The following GALR2 variants were observed in gnomAD, a reference collection of about 807,000 sequenced individuals.
GALR2 encodes galanin receptor type 2.
Under a neutral mutation model 7.2 loss-of-function variants are expected in GALR2, and 5 were observed. The ratio of observed to expected loss-of-function variants is 0.69; its 90% CI spans 0.36 to 1.45. The LOEUF is 1.45. Among genes scored for constraint, GALR2 ranks in the 40% most tolerant of loss-of-function variants. The probability of loss-of-function intolerance (pLI) is 0.03; values close to 1 mark genes in which losing one functional copy is unlikely to be tolerated. For synonymous variants in GALR2, 300 were observed against 263.9 expected, an observed-to-expected ratio of 1.14 and a Z score of -1.32; for missense variants, 561 against 555.7, an observed-to-expected ratio of 1.01 and a Z score of -0.10.
Position 76,075,038 on chromosome 17 carries a change from G to T in GALR2, c.155G>T (p.Arg52Leu). The T allele has an allele frequency of 6.2e-7, 1 of 1,610,742 alleles. No homozygotes were observed. Among genetic ancestry groups the T allele is most frequent in the South Asian group, 1.1e-5 (1 of 90,996 alleles). ...GNTLVLAVLL[R>L]GGQAVSTTNL... is the part of the protein sequence containing the mutation. ...ACGCTGGTGCTGGCGGTGCTGCTGC[G>T]CGGCGGCCAGGCGGTCAGCACTACC... Residue 52 changes from arginine (R) to leucine (L), a missense_variant, in exon 1 of 2, where the codon CGC (arginine) becomes CTC (leucine). Physicochemically the swap from Arg to Leu is moderately radical, Grantham distance 102. Coordinates refer to ENST00000329003, the MANE Select transcript of GALR2 (RefSeq NM_003857.4). This position sits in a 1 kb window ranked among gnomAD's most constrained non-coding sequence, Gnocchi z 5.9.
rs769344371 is a variant in GALR2, at chr17:76,077,446, C to T, written c.*15C>T. 3 of 1,441,428 alleles carry T rather than the reference C, an allele frequency of 2.1e-6. No individual in the cohort carries two copies. Among genetic ancestry groups the T allele is most frequent in the South Asian group, 1.5e-5 (1 of 68,234 alleles). 89.3% of individuals were successfully genotyped at this position (1,441,428 alleles called of 1,614,324 possible). Reference sequence around the variant, plus strand: ...ATGTGGCCTGAAAGCACTTAGCGGGCGCGCTGGGATGTCACAGAGTTGGAG... The same window carrying T: ...ATGTGGCCTGAAAGCACTTAGCGGGTGCGCTGGGATGTCACAGAGTTGGAG... On this transcript the variant is annotated 3_prime_UTR_variant, in exon 2 of 2. Coordinates refer to ENST00000329003, the MANE Select transcript of GALR2 (RefSeq NM_003857.4).
chr17:76,074,482 G>A (rs540867161), upstream of GALR2, among the ~76,000 whole-genome samples: 1 of 152,342 alleles, frequency 6.6e-6, no homozygotes, highest in East Asian at 1.9e-4. The surrounding 1 kb of genome is among the most constrained non-coding windows in gnomAD (Gnocchi z 6.7). Context: ...GCGGCGCGGC[G>A]CACACGCAGG....
chr17:76,072,478 T>C, upstream of GALR2: 12 of 1,582,336 alleles, frequency 7.6e-6, no homozygotes, highest in Non-Finnish European at 1.0e-5. This position sits in a 1 kb window ranked among gnomAD's most constrained non-coding sequence, Gnocchi z 4.5. Context: ...TGGGACCTGC[T>C]TCTCAGCAGC....
At chr17:76,073,453 G>A (rs1183644758), upstream of GALR2, among the ~76,000 whole-genome samples, 2 of 121,208 alleles carry the variant, frequency 1.7e-5, no homozygotes, top group Non-Finnish European at 3.5e-5. Context: ...CTGCCACCAC[G>A]TCCCGCTAAT....
At position 76,076,917 on chromosome 17, in the gene GALR2, C is replaced by T; in HGVS notation, c.650C>T (p.Ala217Val). 6.2e-7 allele frequency: 1 copy of T among 1,601,914 alleles called. No individual in the cohort carries two copies. The highest frequency in any genetic ancestry group is 8.5e-7 in the Non-Finnish European group (1 of 1,178,454). ...YARTLRYLWRAVDPVAAGSGA... is the reference protein window; with the variant it reads ...YARTLRYLWRVVDPVAAGSGA... The stretch of plus-strand genomic sequence containing the variant: ...CGCACCTTGCGCTACCTCTGGCGCG[C>T]CGTCGACCCGGTGGCCGCGGGCTCG... The change falls in exon 2 of 2, where the codon GCC becomes GTC. Residue 217 changes from alanine to valine, a missense_variant. Transcript: ENST00000329003. The surrounding 1 kb of genome is among the most constrained non-coding windows in gnomAD (Gnocchi z 6.5).
Position 76,074,907 on chromosome 17 carries a change from G to C in GALR2, c.24G>C (p.Gly8=). 1 of 1,538,128 alleles carries C rather than the reference G, an allele frequency of 6.5e-7. No individual in the cohort carries two copies. The highest frequency in any genetic ancestry group is 8.7e-7 in the Non-Finnish European group (1 of 1,148,814). ...CCATGAACGTCTCGGGCTGCCCAGG[G>C]GCCGGGAACGCGAGCCAGGCGGGCG... is the stretch of plus-strand genomic sequence containing the variant. MNVSGCP[G]AGNASQAGGG... The change falls in exon 1 of 2, where the codon GGG becomes GGC. Residue 8 remains glycine, a synonymous_variant. Transcript: ENST00000329003. This position sits in a 1 kb window ranked among gnomAD's most constrained non-coding sequence, Gnocchi z 6.7.
chr17:76,073,590 G>A (rs1490088946), upstream of GALR2, among the ~76,000 whole-genome samples: 1 of 128,988 alleles, frequency 7.8e-6, no homozygotes, highest in Non-Finnish European at 1.6e-5. Flanking sequence ...CACCGCGCCC[G>A]GCCCTGAACT....
rs1385026645 is a variant in GALR2, at chr17:76,077,350, A to G, written c.1083A>G (p.Pro361=). The G allele has an allele frequency of 1.3e-6, 2 of 1,544,766 alleles. No individual in the cohort carries two copies. The highest frequency in any genetic ancestry group is 1.4e-5 in the African/African-American group (1 of 73,560). ...ALRPCPGASQ[P]CILEPCPGPS... ...GTCCCTGCCCCGGCGCTTCCCAGCC[A>G]TGCATCCTCGAGCCCTGTCCTGGCC... The change falls in exon 2 of 2, where the codon CCA becomes CCG. Residue 361 remains proline, a synonymous_variant. Coordinates refer to ENST00000329003, the MANE Select transcript of GALR2 (RefSeq NM_003857.4).
upstream of GALR2, chr17:76,072,172 A>G: frequency 6.8e-7 from 1 of 1,469,780 alleles, no homozygotes; most frequent in Non-Finnish European, 9.1e-7. This position sits in a 1 kb window ranked among gnomAD's most constrained non-coding sequence, Gnocchi z 4.5. Flanking sequence ...TCTGAGCACC[A>G]AAAGGTAAGG....
Position 76,075,094 on chromosome 17 carries a change from G to T in GALR2, c.211G>T (p.Asp71Tyr). 1 of 1,612,196 alleles carries T rather than the reference G, an allele frequency of 6.2e-7. No homozygotes were observed. The highest frequency in any genetic ancestry group is 1.3e-5 in the African/African-American group (1 of 74,988). Reference sequence around the variant, plus strand: ...GTTCATCCTTAACCTGGGCGTGGCCGACCTGTGTTTCATCCTGTGCTGCGT... The same window carrying T: ...GTTCATCCTTAACCTGGGCGTGGCCTACCTGTGTTTCATCCTGTGCTGCGT... ...NLFILNLGVA[D>Y]LCFILCCVPF... Residue 71 changes from aspartate to tyrosine, a missense_variant, in exon 1 of 2, where the codon GAC becomes TAC. Coordinates refer to ENST00000329003, the MANE Select transcript of GALR2 (RefSeq NM_003857.4). The surrounding 1 kb of genome is among the most constrained non-coding windows in gnomAD (Gnocchi z 5.9).
upstream of GALR2, among the ~76,000 whole-genome samples, chr17:76,074,530 G>A (rs964824546): frequency 2.0e-5 from 3 of 152,218 alleles, no homozygotes; most frequent in Admixed American, 2.0e-4. This position sits in a 1 kb window ranked among gnomAD's most constrained non-coding sequence, Gnocchi z 6.7. Context: ...GGCGTCTGCC[G>A]GGGAAGTCAG....
chr17:76,073,589 C>T (rs1266087577), upstream of GALR2, among the ~76,000 whole-genome samples: 4 of 129,908 alleles, frequency 3.1e-5, no homozygotes, highest in East Asian at 5.0e-4. Context: ...CCACCGCGCC[C>T]GGCCCTGAAC....
chr17:76,072,639 G>T, upstream of GALR2: 5 of 1,402,998 alleles, frequency 3.6e-6, no homozygotes, highest in Non-Finnish European at 4.6e-6. The surrounding 1 kb of genome is among the most constrained non-coding windows in gnomAD (Gnocchi z 4.5). Context: ...ATGTGCTGGA[G>T]CGCGCCTGCG....
chr17:76,077,532 C>A lies in GALR2; in HGVS notation c.*101C>A. ...TTAATAAAACGCACAAACCATTTCA[C>A]ACACAGTGACAGCGCTGTTTCGCGT... On this transcript the variant is annotated 3_prime_UTR_variant, in exon 2 of 2. Coordinates refer to ENST00000329003, the MANE Select transcript of GALR2 (RefSeq NM_003857.4). 1.9e-6 allele frequency: 2 copies of A among 1,047,022 alleles called. No individual in the cohort carries two copies. Among genetic ancestry groups the A allele is most frequent in the South Asian group, 1.7e-5 (1 of 58,792 alleles). 64.9% of individuals were successfully genotyped at this position (1,047,022 alleles called of 1,614,324 possible).
chr17:76,073,352 A>T (rs111306047), upstream of GALR2, among the ~76,000 whole-genome samples: 5 of 143,242 alleles, frequency 3.5e-5, no homozygotes, highest in African/African-American at 1.3e-4. Context: ...CTGGAGTGCA[A>T]TGGTGTGATC....
Position 76,077,248 on chromosome 17 carries a change from G to T in GALR2, c.981G>T (p.Arg327=), listed in dbSNP as rs1598276382. The T allele has an allele frequency of 1.2e-6, 2 of 1,604,794 alleles. No individual in the cohort carries two copies. Among genetic ancestry groups the T allele is most frequent in the South Asian group, 2.2e-5 (2 of 90,420 alleles). Residue 327 remains arginine (R), a synonymous_variant, in exon 2 of 2, where the codon CGG becomes CGT. Transcript: ENST00000329003. ...RASGRVCAAA[R]GTHSGSVLER... ...CGGGCCGTGTGTGCGCTGCCGCGCGGGGCACCCACAGTGGCAGCGTGTTGG... is the reference window on the plus strand; with the variant it reads ...CGGGCCGTGTGTGCGCTGCCGCGCGTGGCACCCACAGTGGCAGCGTGTTGG...
rs981024621 is a variant in GALR2 at position 76,076,249 on chromosome 17, C to T, written c.369-387C>T. On this transcript the variant is annotated intron_variant, in intron 1 of 1. Coordinates refer to ENST00000329003, the MANE Select transcript of GALR2 (RefSeq NM_003857.4). The surrounding 1 kb of genome is among the most constrained non-coding windows in gnomAD (Gnocchi z 6.5). Reference sequence around the variant, plus strand: ...GCCTCAGGCGCCTCCGCCCTCCCTCCCGCGGCACCGTCACCAGTGGGTAGT... The same window carrying T: ...GCCTCAGGCGCCTCCGCCCTCCCTCTCGCGGCACCGTCACCAGTGGGTAGT... 1.3e-5 allele frequency among the ~76,000 whole-genome samples: 2 copies of T among 152,270 alleles called. No homozygotes were observed. The highest frequency in any genetic ancestry group is 2.9e-5 in the Non-Finnish European group (2 of 68,048).
At position 76,076,280 on chromosome 17, in the gene GALR2, C is replaced by A. The variant is rs572132258; in HGVS notation, c.369-356C>A. Among the ~76,000 whole-genome samples, 1 of 152,342 alleles carries A rather than the reference C, an allele frequency of 6.6e-6. No individual in the cohort carries two copies. The highest frequency in any genetic ancestry group is 1.9e-4 in the East Asian group (1 of 5,182). ...CACCGTCACCAGTGGGTAGTCACAGCCTCCCGGAGCCCATAGCCGGTTCTC... is the reference window on the plus strand; with the variant it reads ...CACCGTCACCAGTGGGTAGTCACAGACTCCCGGAGCCCATAGCCGGTTCTC... On this transcript the variant is annotated intron_variant, in intron 1 of 1. Transcript: ENST00000329003. This position sits in a 1 kb window ranked among gnomAD's most constrained non-coding sequence, Gnocchi z 6.5.
rs987452276 is a variant in GALR2 at position 76,075,952 on chromosome 17, ACGCACAT to A, written c.369-683_369-677del. Among the ~76,000 whole-genome samples the A allele has an allele frequency of 6.6e-6, 1 of 152,178 alleles. No individual in the cohort carries two copies. Among genetic ancestry groups the A allele is most frequent in the Non-Finnish European group, 1.5e-5 (1 of 68,020 alleles). ...CTCCCCAGCCAGAGGAGAGCGAGAG[ACGCACAT>A]TCGGGAGAGCGCGGGACTCAGGTGG... On this transcript the variant is annotated intron_variant, in intron 1 of 1. Transcript: ENST00000329003. The surrounding 1 kb of genome is among the most constrained non-coding windows in gnomAD (Gnocchi z 5.9).
Sources: gnomAD v4.1 joint callset for allele counts (sites outside exome capture counted in the v4.1 genomes callset) on GRCh38, gnomAD v4.1.1 for gene constraint, Gnocchi (gnomAD v3.1) non-coding constraint, MANE v1.5 for transcripts, NCBI Gene and HGNC (gene_info 2026-07-23, HGNC 2026-07-21) for gene names.